The following TEX14 variants were observed in gnomAD, a reference collection of about 807,000 sequenced individuals.
TEX14 encodes the protein testis expressed 14, intercellular bridge forming factor.
TEX14 carries 168 observed loss-of-function variants against 178.6 expected under a neutral mutation model. That is an observed-to-expected ratio of 0.94 (90% confidence interval 0.83 to 1.07). TEX14 has a LOEUF of 1.07. TEX14 is among the 50% of genes least tolerant of loss of function. TEX14 has a pLI of 0.00. For missense variants in TEX14, 1,730 were observed against 1,753.6 expected, an observed-to-expected ratio of 0.99 and a Z score of 0.24; for synonymous variants, 626 against 634.1, an observed-to-expected ratio of 0.99 and a Z score of 0.19.
chr17:58,683,687 C>T (rs560510215), intron 1 of TEX14, among the ~76,000 whole-genome samples: 1 of 150,330 alleles, frequency 6.7e-6, no homozygotes, highest in Non-Finnish European at 1.5e-5. Context: ...TGCTTGAACC[C>T]GGAAGGCGGG....
intron 19 of TEX14, chr17:58,581,745 G>C: frequency 1.2e-6 from 2 of 1,605,390 alleles, no homozygotes; most frequent in Non-Finnish European, 1.7e-6. Flanking sequence ...TAATAATGTA[G>C]GAAATCACTT....
At chr17:58,560,819 C>T (rs2044258628) in intron 29 of TEX14, among the ~76,000 whole-genome samples, 1 of 152,188 alleles carries the variant, frequency 6.6e-6, no homozygotes, top group Non-Finnish European at 1.5e-5. Context: ...CTCCTCTGAA[C>T]AGCACATTAC....
At chr17:58,633,649 A>T (rs1161364294) in intron 2 of TEX14, among the ~76,000 whole-genome samples, 1 of 151,784 alleles carries the variant, frequency 6.6e-6, no homozygotes, top group Non-Finnish European at 1.5e-5. Flanking sequence ...ATGTGGACAA[A>T]CCCCATCTCT....
In TEX14 at chr17:58,621,897, C is replaced by T. The variant is rs1426423884; in HGVS notation, c.418-111G>A. ...GAGCTGAGAGCCCCCAACAGAAAAACCTCTCAAAAGGAAAGGGCCCAGGTG... is the reference window on the plus strand; with the variant it reads ...GAGCTGAGAGCCCCCAACAGAAAAATCTCTCAAAAGGAAAGGGCCCAGGTG... On this transcript the variant is annotated intron_variant, in intron 4 of 31. Coordinates refer to ENST00000349033, the MANE Select transcript of TEX14 (RefSeq NM_031272.5). The T allele has an allele frequency of 3.9e-6, 5 of 1,271,184 alleles. No homozygotes were observed. In the African/African-American group the frequency reaches 6.0e-5, roughly 15 times the overall value. 78.7% of individuals were successfully genotyped at this position (1,271,184 alleles called of 1,614,324 possible).
chr17:58,560,396 G>A (rs573932472), intron 29 of TEX14, among the ~76,000 whole-genome samples: 11 of 152,284 alleles, frequency 7.2e-5, no homozygotes, highest in Admixed American at 1.3e-4. Flanking sequence ...TTCCGCCCCC[G>A]TTCAAATGCC....
chr17:58,625,129 GTT>G (rs11324185), intron 3 of TEX14, among the ~76,000 whole-genome samples: 25 of 145,844 alleles, frequency 1.7e-4, no homozygotes, highest in South Asian at 1.3e-3. Flanking sequence ...TGTTTTTTGG[GTT>G]TTTTTTTTTT....
At chr17:58,580,010 G>T (rs906589857) in intron 19 of TEX14, among the ~76,000 whole-genome samples, 3 of 152,120 alleles carry the variant, frequency 2.0e-5, no homozygotes, top group Admixed American at 2.0e-4. Flanking sequence ...TTCCAACAAA[G>T]ATATTTTGGT....
At position 58,630,494 on chromosome 17, in the gene TEX14, A is replaced by C; in HGVS notation, c.197T>G (p.Leu66Trp). The change falls in exon 3 of 32, where the codon TTG becomes TGG. Residue 66 changes from leucine to tryptophan, a missense_variant. Coordinates refer to ENST00000349033, the MANE Select transcript of TEX14 (RefSeq NM_031272.5). ...AACATCAACGAATTTCCTAAGGCCCAATAACGCCGCAACAAAAAGTGCTGT... is the reference window on the plus strand; with the variant it reads ...AACATCAACGAATTTCCTAAGGCCCCATAACGCCGCAACAAAAAGTGCTGT... Reference protein sequence around the residue: ...GQTALFVAALLGLRKFVDVLV... With the variant: ...GQTALFVAALWGLRKFVDVLV... 1.2e-6 allele frequency: 2 copies of C among 1,614,168 alleles called. No homozygotes were observed. The highest frequency in any genetic ancestry group is 1.6e-4 in the Middle Eastern group (1 of 6,062).
At chr17:58,676,337 T>C (rs986666191) in intron 1 of TEX14, among the ~76,000 whole-genome samples, 1 of 151,036 alleles carries the variant, frequency 6.6e-6, no homozygotes, top group Non-Finnish European at 1.5e-5. Flanking sequence ...GATCACAGCA[T>C]TGCACTCCAG....
At chr17:58,640,059 C>G (rs2046537316) in intron 2 of TEX14, among the ~76,000 whole-genome samples, 1 of 151,936 alleles carries the variant, frequency 6.6e-6, no homozygotes, top group Non-Finnish European at 1.5e-5. Flanking sequence ...TCCTGTAATC[C>G]CAGCACTTTG....
At chr17:58,611,018 G>C in intron 10 of TEX14, 143 bp downstream of exon 10, 1 of 632,526 alleles carries the variant, frequency 1.6e-6, no homozygotes, top group South Asian at 2.2e-5. Context: ...GACAGGGTAA[G>C]GCATTTGGGA....
At chr17:58,603,023 G>A (rs533661074) in intron 11 of TEX14, among the ~76,000 whole-genome samples, 20 of 151,624 alleles carry the variant, frequency 1.3e-4, no homozygotes, top group East Asian at 3.9e-4. Flanking sequence ...CTGAGATTGC[G>A]CCACTGCACT....
chr17:58,659,252 C>A (rs985553676), intron 1 of TEX14: 114 of 714,434 alleles, frequency 1.6e-4, no homozygotes, highest in Non-Finnish European at 1.8e-4. Flanking sequence ...AACCCTCCCC[C>A]AAGAAAAACA....
At chr17:58,672,602 G>GT (rs1418238869) in intron 1 of TEX14, among the ~76,000 whole-genome samples, 2 of 151,878 alleles carry the variant, frequency 1.3e-5, no homozygotes, top group Non-Finnish European at 1.5e-5. Context: ...CCCAGCTAAT[G>GT]TTTTTTTATT....
intron 1 of TEX14, among the ~76,000 whole-genome samples, chr17:58,652,969 A>G (rs552457850): frequency 4.3e-4 from 66 of 152,092 alleles, no homozygotes; most frequent in Middle Eastern, 3.4e-3. Flanking sequence ...ACGGAGTCTT[A>G]CTCTGTCATC....
At chr17:58,603,862 A>C (rs1246015102) in intron 11 of TEX14, among the ~76,000 whole-genome samples, 1 of 149,486 alleles carries the variant, frequency 6.7e-6, no homozygotes, top group Non-Finnish European at 1.5e-5. Context: ...AAAAAAAAAA[A>C]AAAGCAGCCC....
At chr17:58,615,209 G>A (rs773354000) in intron 8 of TEX14, 23 bp downstream of exon 8, 2 of 1,450,832 alleles carry the variant, frequency 1.4e-6, no homozygotes, top group Non-Finnish European at 9.7e-7. Context: ...GGACCTATAA[G>A]GGGCCTTGGG....
chr17:58,598,944 G>C lies in TEX14; in HGVS notation c.2401C>G (p.Gln801Glu). 6.2e-7 allele frequency: 1 copy of C among 1,614,148 alleles called. No individual in the cohort carries two copies. Among genetic ancestry groups the C allele is most frequent in the Non-Finnish European group, 8.5e-7 (1 of 1,180,024 alleles). ...PSLNYIPPVL[Q>E]LSGGQKPDTS... ...TCTGGCTTCTGACCCCCTGAAAGCT[G>C]TAGGACAGGAGGAATATAGTTTAAA... The change falls in exon 14 of 32, where the codon CAG becomes GAG. Residue 801 changes from glutamine (Q) to glutamate (E), a missense_variant. This residue lies in a region of TEX14 where 941 missense variants were observed against 1,072.4 expected (regional missense o/e 0.88). Coordinates refer to ENST00000349033, the MANE Select transcript of TEX14 (RefSeq NM_031272.5).
In TEX14 at chr17:58,584,735, A is replaced by C. The variant is rs1197168776; in HGVS notation, c.3071-135T>G. The stretch of plus-strand genomic sequence containing the variant: ...TGGCCATGTCCCATACGTTAGGTTC[A>C]GTCCAGAGAGTAGAGACTGTTAGTT... On this transcript the variant is annotated intron_variant, in intron 18 of 31. Coordinates refer to ENST00000349033, the MANE Select transcript of TEX14 (RefSeq NM_031272.5). 4.3e-6 allele frequency: 3 copies of C among 692,828 alleles called. No individual in the cohort carries two copies. The Admixed American group carries it at 7.1e-5, about 16-fold the overall frequency. 42.9% of individuals were successfully genotyped at this position (692,828 alleles called of 1,614,324 possible). A position where few individuals can be genotyped will look rare whatever the true frequency, so the allele number is the denominator to read the frequency against.
Sources: allele counts gnomAD v4.1 joint callset (sites outside exome capture counted in the v4.1 genomes callset), GRCh38; gene constraint gnomAD v4.1.1; regional missense constraint gnomAD v4.1.1; transcripts MANE v1.5; gene names NCBI Gene and HGNC (gene_info 2026-07-23, HGNC 2026-07-21).